Variants in AIG1 observed in about 807,000 individuals in gnomAD.
The protein encoded by AIG1 is androgen-induced gene 1 protein.
A neutral mutation model predicts 31.4 loss-of-function variants in AIG1; 23 were observed. The observed-to-expected ratio is 0.73, with a 90% CI of 0.53 to 1.04. AIG1 has a LOEUF of 1.04. Ranked by LOEUF, AIG1 falls within the 50% of genes least tolerant of loss-of-function variation. AIG1 has a pLI of 0.00. For synonymous variants in AIG1, 100 were observed against 110.5 expected, an observed-to-expected ratio of 0.90 and a Z score of 0.60; for missense variants, 274 against 295.0, an observed-to-expected ratio of 0.93 and a Z score of 0.52.
intron 3 of AIG1, among the ~76,000 whole-genome samples, chr6:143,235,837 T>C (rs1253998166): frequency 6.6e-6 from 1 of 152,198 alleles, no homozygotes; most frequent in South Asian, 2.1e-4. Context: ...AAAAGTGTGA[T>C]CTACTGATAA....
intron 1 of AIG1, among the ~76,000 whole-genome samples, chr6:143,090,000 G>A (rs1387148023): frequency 6.6e-6 from 1 of 152,216 alleles, no homozygotes; most frequent in Non-Finnish European, 1.5e-5. Flanking sequence ...CTTAATAAAT[G>A]TCTATTATTC....
At position 143,333,475 on chromosome 6, in the gene AIG1, A is replaced by G. The variant is rs1398042981; in HGVS notation, c.679+30A>G. 1 of 1,607,128 alleles carries G rather than the reference A, an allele frequency of 6.2e-7. No individual in the cohort carries two copies. The highest frequency in any genetic ancestry group is 2.2e-5 in the East Asian group (1 of 44,738). ...GTATTGTCTGAGGGAACATAAAACAAGAGAATTACTGCCGGCAACAGTCTA... is the reference window on the plus strand; with the variant it reads ...GTATTGTCTGAGGGAACATAAAACAGGAGAATTACTGCCGGCAACAGTCTA... On this transcript the variant is annotated intron_variant, in intron 5 of 5. Coordinates refer to ENST00000357847, the MANE Select transcript of AIG1 (RefSeq NM_016108.4). The surrounding 1 kb of genome is among the most constrained non-coding windows in gnomAD (Gnocchi z 4.6).
chr6:143,148,172 A>G (rs1319871048), intron 2 of AIG1, among the ~76,000 whole-genome samples: 1 of 152,046 alleles, frequency 6.6e-6, no homozygotes, highest in Non-Finnish European at 1.5e-5. Context: ...TCAGTGACAG[A>G]TGACATATAC....
chr6:143,134,251 C>T (rs1166497142), intron 1 of AIG1, among the ~76,000 whole-genome samples: 1 of 151,562 alleles, frequency 6.6e-6, no homozygotes, highest in Non-Finnish European at 1.5e-5. Flanking sequence ...CAATCTTATC[C>T]TTCTCTCTCT....
In AIG1 at chr6:143,090,189, T is replaced by C. The variant is rs556183277; in HGVS notation, c.141+29123T>C. ...TGAGTTTGCAGCCTAGTTCTGCCTC[T>C]AGCTGTTTCTTTGACAAATACTTAT... On this transcript the variant is annotated intron_variant, in intron 1 of 5. Transcript: ENST00000357847. Among the ~76,000 whole-genome samples the C allele has an allele frequency of 2.0e-5, 3 of 152,318 alleles. No individual in the cohort carries two copies. The South Asian group carries it at 6.2e-4, about 32-fold the overall frequency.
intron 3 of AIG1, among the ~76,000 whole-genome samples, chr6:143,272,310 C>T (rs1442051307): frequency 1.3e-5 from 2 of 152,104 alleles, no homozygotes; most frequent in East Asian, 3.9e-4. Flanking sequence ...GTAGATTAAC[C>T]CCACAAAGTT....
intron 4 of AIG1, among the ~76,000 whole-genome samples, chr6:143,320,932 C>T (rs183867545): frequency 1.4e-3 from 213 of 151,504 alleles, no homozygotes; most frequent in African/African-American, 4.6e-3. Context: ...AGCGATTCTC[C>T]TGCCTCAGCC....
At chr6:143,118,601 G>C (rs1781952400) in intron 1 of AIG1, among the ~76,000 whole-genome samples, 1 of 152,098 alleles carries the variant, frequency 6.6e-6, no homozygotes, top group Admixed American at 6.5e-5. Flanking sequence ...AAAAATGTTT[G>C]TTCAGCCATG....
chr6:143,234,124 C>T (rs964283054), intron 3 of AIG1, among the ~76,000 whole-genome samples: 1 of 152,140 alleles, frequency 6.6e-6, no homozygotes, highest in African/African-American at 2.4e-5. Flanking sequence ...CACACCTCTG[C>T]CCATCTAGGT....
chr6:143,086,469 C>A (rs997698894), intron 1 of AIG1, among the ~76,000 whole-genome samples: 2 of 151,930 alleles, frequency 1.3e-5, no homozygotes, highest in African/African-American at 4.8e-5. Context: ...TGTTGTAGAC[C>A]CAGTTCCAGT....
In AIG1 at chr6:143,268,552, A is replaced by G. The variant is rs1408561607; in HGVS notation, c.400-15558A>G. Among the ~76,000 whole-genome samples, 1 of 152,198 alleles carries G rather than the reference A, an allele frequency of 6.6e-6. No individual in the cohort carries two copies. Among genetic ancestry groups the G allele is most frequent in the Non-Finnish European group, 1.5e-5 (1 of 68,040 alleles). ...ATTACAGGGGCTGACTATAGCACCA[A>G]AATTAGGTGGTGGTAAGGAATTTAA... On this transcript the variant is annotated intron_variant, in intron 3 of 5. Transcript: ENST00000357847. This position sits in a 1 kb window ranked among gnomAD's most constrained non-coding sequence, Gnocchi z 5.0.
intron 3 of AIG1, among the ~76,000 whole-genome samples, chr6:143,271,257 A>C (rs1174750539): frequency 2.6e-5 from 4 of 152,224 alleles, no homozygotes. Context: ...ACATGTCATG[A>C]CAGTAAATCA....
At chr6:143,198,768 C>T (rs1790457129) in intron 3 of AIG1, among the ~76,000 whole-genome samples, 1 of 152,186 alleles carries the variant, frequency 6.6e-6, no homozygotes, top group South Asian at 2.1e-4. Context: ...CAGTTGAGGG[C>T]ATGACCCAAA....
intron 1 of AIG1, among the ~76,000 whole-genome samples, chr6:143,066,529 T>C (rs983879841): frequency 2.6e-5 from 4 of 152,156 alleles, no homozygotes; most frequent in Admixed American, 1.3e-4. Flanking sequence ...TGCATTGGCC[T>C]CCCAAAGTGC....
intron 2 of AIG1, among the ~76,000 whole-genome samples, chr6:143,154,210 T>C (rs1236395320): frequency 6.6e-6 from 1 of 152,176 alleles, no homozygotes; most frequent in Non-Finnish European, 1.5e-5. Flanking sequence ...AAGATATGTT[T>C]TTTTTCATCT....
In AIG1 at chr6:143,333,996, A is replaced by G. The variant is rs930683590; in HGVS notation, c.679+551A>G. 3.4e-6 allele frequency: 5 copies of G among 1,455,870 alleles called. No individual in the cohort carries two copies. The African/African-American group carries it at 7.1e-5, about 21-fold the overall frequency. 90.2% of individuals were successfully genotyped at this position (1,455,870 alleles called of 1,614,324 possible). On this transcript the variant is annotated intron_variant, in intron 5 of 5. Coordinates refer to ENST00000357847, the MANE Select transcript of AIG1 (RefSeq NM_016108.4). This position sits in a 1 kb window ranked among gnomAD's most constrained non-coding sequence, Gnocchi z 4.6. ...AGTCTGAAAGTGGCAAAGAGCTACAAGCAGTAAAAGATAATATTTCGTGGC... is the reference window on the plus strand; with the variant it reads ...AGTCTGAAAGTGGCAAAGAGCTACAGGCAGTAAAAGATAATATTTCGTGGC...
chr6:143,181,610 G>A (rs1788725698), intron 3 of AIG1, among the ~76,000 whole-genome samples: 1 of 152,166 alleles, frequency 6.6e-6, no homozygotes, highest in Non-Finnish European at 1.5e-5. Context: ...TATTGCCAAT[G>A]ATATTTTTTA....
At chr6:143,251,024 A>G (rs997773070) in intron 3 of AIG1, among the ~76,000 whole-genome samples, 7 of 152,088 alleles carry the variant, frequency 4.6e-5, no homozygotes, top group Non-Finnish European at 1.5e-5. Context: ...TCATGTTTTT[A>G]TCTTCCAGAA....
Position 143,232,319 on chromosome 6 carries a change from A to G in AIG1, c.400-51791A>G, listed in dbSNP as rs1435653588. Among the ~76,000 whole-genome samples the G allele has an allele frequency of 2.6e-5, 4 of 152,224 alleles. No homozygotes were observed. In the East Asian group the frequency reaches 5.8e-4, roughly 22 times the overall value. ...GGGTATGGTGGAAGCAGAGCTAAGA[A>G]TATCAGGTGTTAAGACAGAAAGTCT... On this transcript the variant is annotated intron_variant, in intron 3 of 5. Transcript: ENST00000357847.
Sources: gnomAD v4.1 joint callset for allele counts (sites outside exome capture counted in the v4.1 genomes callset) on GRCh38, gnomAD v4.1.1 for gene constraint, Gnocchi (gnomAD v3.1) non-coding constraint, MANE v1.5 for transcripts, NCBI Gene and HGNC (gene_info 2026-07-23, HGNC 2026-07-21) for gene names.